ARHGAP32: variants seen among roughly 807,000 people sequenced by gnomAD.
The protein encoded by ARHGAP32 is rho GTPase-activating protein 32.
A neutral mutation model predicts 186.5 loss-of-function variants in ARHGAP32; 51 were observed. That is an observed-to-expected ratio of 0.27 (90% confidence interval 0.22 to 0.35). The LOEUF (loss-of-function observed/expected upper bound fraction) is 0.35. ARHGAP32 is among the 10% of genes least tolerant of loss of function. ARHGAP32 has a pLI of 1.00. For missense variants in ARHGAP32, 2,186 were observed against 2,623.5 expected (o/e 0.83, Z 3.64); for synonymous variants, 950 against 964.3 (o/e 0.99, Z 0.27).
At chr11:129,113,998 C>G (rs949035406) in intron 5 of ARHGAP32, among the ~76,000 whole-genome samples, 1 of 152,080 alleles carries the variant, frequency 6.6e-6, no homozygotes, top group Non-Finnish European at 1.5e-5. Flanking sequence ...TCTCTCATGT[C>G]TGCTAACACT....
intron 11 of ARHGAP32, among the ~76,000 whole-genome samples, chr11:129,007,114 C>A (rs970492013): frequency 5.9e-5 from 9 of 152,084 alleles, no homozygotes; most frequent in Admixed American, 5.9e-4. Flanking sequence ...TGGAACTTAT[C>A]CTTCACGGCA....
chr11:129,013,605 T>C (rs563184254), intron 11 of ARHGAP32, among the ~76,000 whole-genome samples: 6 of 152,342 alleles, frequency 3.9e-5, no homozygotes, highest in South Asian at 2.1e-4. Context: ...TTTATCAAGA[T>C]AGATTAATTT....
intron 10 of ARHGAP32, among the ~76,000 whole-genome samples, chr11:129,046,723 T>C (rs12281677): frequency 1.3e-5 from 2 of 152,062 alleles, no homozygotes; most frequent in Admixed American, 1.3e-4. Context: ...TTGGAAACAG[T>C]AGAGTTAACA....
At chr11:129,177,358 A>T (rs554581571) in intron 1 of ARHGAP32, among the ~76,000 whole-genome samples, 1 of 152,188 alleles carries the variant, frequency 6.6e-6, no homozygotes, top group Non-Finnish European at 1.5e-5. Context: ...TACCAGAGGT[A>T]CAAGGAGAAA....
intron 12 of ARHGAP32, among the ~76,000 whole-genome samples, chr11:128,989,643 G>T (rs1271137358): frequency 6.6e-6 from 1 of 151,508 alleles, no homozygotes; most frequent in African/African-American, 2.4e-5. Flanking sequence ...CACATGCCAT[G>T]GTGGTTTGCT....
At chr11:129,015,229 C>A (rs1446745103) in intron 11 of ARHGAP32, among the ~76,000 whole-genome samples, 1 of 152,168 alleles carries the variant, frequency 6.6e-6, no homozygotes, top group African/African-American at 2.4e-5. Context: ...TCACATAAGT[C>A]TCTAGAGACC....
intron 2 of ARHGAP32, among the ~76,000 whole-genome samples, chr11:129,135,415 C>A (rs1007334217): frequency 3.3e-5 from 5 of 152,132 alleles, no homozygotes; most frequent in African/African-American, 1.2e-4. Flanking sequence ...GCAATTAAGT[C>A]AGAAAAAAGA....
chr11:129,156,875 G>GA (rs896401917), intron 2 of ARHGAP32, among the ~76,000 whole-genome samples: 1 of 152,192 alleles, frequency 6.6e-6, no homozygotes, highest in African/African-American at 2.4e-5. Flanking sequence ...AGCTTCCAGA[G>GA]AAAGGAACAC....
At chr11:129,125,797 GTT>G in intron 2 of ARHGAP32, 3 of 338,230 alleles carry the variant, frequency 8.9e-6, no homozygotes, top group Non-Finnish European at 1.2e-5. Flanking sequence ...CTTTTTGAGG[GTT>G]TTTTTTTTCT....
intron 1 of ARHGAP32, among the ~76,000 whole-genome samples, chr11:129,211,957 C>T (rs1163641888): frequency 1.3e-5 from 2 of 151,994 alleles, no homozygotes; most frequent in African/African-American, 2.4e-5. Flanking sequence ...GAGTTTAAGA[C>T]CAGCCTAGGC....
chr11:129,041,680 T>C (rs1296467878), intron 10 of ARHGAP32, among the ~76,000 whole-genome samples: 5 of 152,172 alleles, frequency 3.3e-5, no homozygotes, highest in African/African-American at 1.2e-4. Context: ...AGTGACCTAG[T>C]AGCAGAACCG....
intron 1 of ARHGAP32, among the ~76,000 whole-genome samples, chr11:129,218,670 G>A (rs2135604463): frequency 6.6e-6 from 1 of 152,236 alleles, no homozygotes; most frequent in Admixed American, 6.5e-5. Context: ...AGGAGCCTGA[G>A]TAAAATATTT....
In ARHGAP32 at chr11:128,970,293, G is replaced by A. The variant is rs770977504; in HGVS notation, c.4920C>T (p.Ser1640=). ...PLYQYKPYQS[S]QARSDYHVTQ... is the part of the protein sequence containing the mutation. ...TGACATGATAATCTGAGCGGGCCTG[G>A]GAGGACTGATATGGCTTATATTGGT... The change falls in exon 23 of 23, where the codon TCC becomes TCT. Residue 1640 remains serine (S), a synonymous_variant. Transcript: ENST00000682385. The surrounding 1 kb of genome is among the most constrained non-coding windows in gnomAD (Gnocchi z 5.8). 1.2e-6 allele frequency: 2 copies of A among 1,614,066 alleles called. No homozygotes were observed. The highest frequency in any genetic ancestry group is 2.2e-5 in the South Asian group (2 of 91,086).
intron 12 of ARHGAP32, among the ~76,000 whole-genome samples, chr11:128,992,713 G>C (rs779069853): frequency 7.2e-5 from 11 of 152,114 alleles, no homozygotes; most frequent in South Asian, 2.1e-4. Flanking sequence ...CTTGAACCTG[G>C]GAGGTGGAGG....
chr11:129,126,753 A>C (rs1237671033), intron 2 of ARHGAP32, among the ~76,000 whole-genome samples: 2 of 152,178 alleles, frequency 1.3e-5, no homozygotes, highest in African/African-American at 4.8e-5. Flanking sequence ...AGGACAAAAA[A>C]GGAAATACAG....
chr11:129,217,329 CAGT>C, intron 1 of ARHGAP32, among the ~76,000 whole-genome samples: 1 of 152,106 alleles, frequency 6.6e-6, no homozygotes, highest in Middle Eastern at 3.2e-3. Context: ...GCTGCCACCA[CAGT>C]AACACAAACC....
intron 1 of ARHGAP32, among the ~76,000 whole-genome samples, chr11:129,235,177 C>T (rs765959193): frequency 1.3e-5 from 2 of 152,112 alleles, no homozygotes; most frequent in Non-Finnish European, 2.9e-5. Flanking sequence ...TTTAGCCCTT[C>T]GGAACTTAAA....
chr11:129,184,508 AAAG>A (rs1403505328), intron 1 of ARHGAP32, among the ~76,000 whole-genome samples: 9 of 152,152 alleles, frequency 5.9e-5, no homozygotes, highest in African/African-American at 2.2e-4. Context: ...AACAATTAAA[AAAG>A]AAGATGAAAT....
chr11:128,992,495 G>A (rs1386865362), intron 12 of ARHGAP32, among the ~76,000 whole-genome samples: 1 of 151,984 alleles, frequency 6.6e-6, no homozygotes. Context: ...TGCCAAAGTA[G>A]GCTGCGGGCA....
Sources: gnomAD v4.1 joint callset for allele counts (sites outside exome capture counted in the v4.1 genomes callset) on GRCh38, gnomAD v4.1.1 for gene constraint, Gnocchi (gnomAD v3.1) non-coding constraint, MANE v1.5 for transcripts, NCBI Gene and HGNC (gene_info 2026-07-23, HGNC 2026-07-21) for gene names.